Variants in ENTREP2 observed in about 807,000 individuals in gnomAD.
ENTREP2 encodes the protein endosomal transmembrane epsin interactor 2.
chr15:29,573,584 C>A, the ENTREP2 span, among the ~76,000 whole-genome samples: 5 of 150,582 alleles, frequency 3.3e-5, no homozygotes, highest in Admixed American at 2.0e-4. Flanking sequence ...TCAAACTGGC[C>A]TTTCTGGATA....
At chr15:29,178,577 C>T in the ENTREP2 span, among the ~76,000 whole-genome samples, 5 of 151,988 alleles carry the variant, frequency 3.3e-5, no homozygotes, top group Admixed American at 2.0e-4. Flanking sequence ...GTAATCAGCT[C>T]GTCCCACAGT....
chr15:29,594,515 T>C, the ENTREP2 span, among the ~76,000 whole-genome samples: 5 of 152,148 alleles, frequency 3.3e-5, no homozygotes, highest in African/African-American at 7.2e-5. Flanking sequence ...TATTAAACTA[T>C]AAGAATCGAT....
At chr15:29,600,470 CA>C in the ENTREP2 span, among the ~76,000 whole-genome samples, 10 of 116,812 alleles carry the variant, frequency 8.6e-5, no homozygotes, top group Middle Eastern at 5.6e-3. Flanking sequence ...TCATCATCAT[CA>C]ATCATCATCA....
chr15:29,356,273 T>C, the ENTREP2 span, among the ~76,000 whole-genome samples: 5 of 47,278 alleles, frequency 1.1e-4, no homozygotes, highest in Non-Finnish European at 1.7e-4. Flanking sequence ...TGTGTGTATA[T>C]ATATATATAT....
chr15:29,324,715 C>T, the ENTREP2 span, among the ~76,000 whole-genome samples: 2 of 152,096 alleles, frequency 1.3e-5, no homozygotes, highest in African/African-American at 4.8e-5. Flanking sequence ...CATAACAATC[C>T]TTAACATGTA....
chr15:29,353,904 A>G, the ENTREP2 span, among the ~76,000 whole-genome samples: 120 of 152,232 alleles, frequency 7.9e-4, no homozygotes, highest in African/African-American at 2.6e-3. Flanking sequence ...AGCACATCAC[A>G]CTACTTCCCA....
chr15:29,620,672 T>TTGCTAGGCTCTTTTCC, the ENTREP2 span, among the ~76,000 whole-genome samples: 3 of 151,992 alleles, frequency 2.0e-5, no homozygotes, highest in African/African-American at 7.3e-5. Context: ...AATAATGGTT[T>TTGCTAGGCTCTTTTCC]TGCTAGGCTC....
At chr15:29,198,900 A>T in the ENTREP2 span, among the ~76,000 whole-genome samples, 1 of 152,250 alleles carries the variant, frequency 6.6e-6, no homozygotes, top group Non-Finnish European at 1.5e-5. Flanking sequence ...AAATTACAAG[A>T]TTCATCTACC....
the ENTREP2 span, among the ~76,000 whole-genome samples, chr15:29,515,215 G>A: frequency 6.6e-6 from 1 of 152,328 alleles, no homozygotes; most frequent in East Asian, 1.9e-4. Context: ...AGAGCAGCCA[G>A]AGTGGGTCAG....
At chr15:29,377,442 G>C in the ENTREP2 span, among the ~76,000 whole-genome samples, 1 of 152,102 alleles carries the variant, frequency 6.6e-6, no homozygotes, top group Non-Finnish European at 1.5e-5. Context: ...AGATCTGTTA[G>C]GAGGCTACTA....
chr15:29,582,305 A>T, the ENTREP2 span, among the ~76,000 whole-genome samples: 3 of 152,214 alleles, frequency 2.0e-5, no homozygotes, highest in Non-Finnish European at 2.9e-5. Context: ...TTATACAACA[A>T]TGTATTCAAA....
chr15:29,169,092 C>G, the ENTREP2 span, among the ~76,000 whole-genome samples: 1 of 152,178 alleles, frequency 6.6e-6, no homozygotes, highest in African/African-American at 2.4e-5. Flanking sequence ...TGTGTATACA[C>G]ACTTTTGTAT....
the ENTREP2 span, among the ~76,000 whole-genome samples, chr15:29,169,442 G>A: frequency 6.6e-5 from 10 of 152,294 alleles, no homozygotes; most frequent in Admixed American, 6.5e-4. Flanking sequence ...CACATTACTT[G>A]TGTTGGGATA....
chr15:29,515,144 C>T, the ENTREP2 span, among the ~76,000 whole-genome samples: 1 of 152,206 alleles, frequency 6.6e-6, no homozygotes, highest in Non-Finnish European at 1.5e-5. Flanking sequence ...AATCATGACA[C>T]AACCTACTCA....
At chr15:29,530,844 T>C in the ENTREP2 span, among the ~76,000 whole-genome samples, 1 of 152,228 alleles carries the variant, frequency 6.6e-6, no homozygotes, top group Non-Finnish European at 1.5e-5. Flanking sequence ...CAAAGGGCTG[T>C]GGATCTGACA....
chr15:29,657,204 C>G, the ENTREP2 span, among the ~76,000 whole-genome samples: 2 of 150,810 alleles, frequency 1.3e-5, no homozygotes, highest in Admixed American at 1.3e-4. Flanking sequence ...CCCACCACCA[C>G]GCCGCGCCAG....
the ENTREP2 span, among the ~76,000 whole-genome samples, chr15:29,354,255 CCCT>C: frequency 2.6e-5 from 4 of 152,176 alleles, no homozygotes; most frequent in Admixed American, 1.3e-4. Flanking sequence ...GCAGCTCCAC[CCCT>C]CCTCCTGTTC....
the ENTREP2 span, among the ~76,000 whole-genome samples, chr15:29,555,514 T>C: frequency 6.6e-6 from 1 of 152,250 alleles, no homozygotes; most frequent in Non-Finnish European, 1.5e-5. Context: ...ATTTTCATTC[T>C]ATTGTAATTA....
chr15:29,201,102 T>C, the ENTREP2 span, among the ~76,000 whole-genome samples: 1 of 152,244 alleles, frequency 6.6e-6, no homozygotes, highest in Admixed American at 6.5e-5. Context: ...TGTATGTTTA[T>C]CTTGTATCCT....
Sources: gnomAD v4.1 joint callset for allele counts (sites outside exome capture counted in the v4.1 genomes callset) on GRCh38, gnomAD v4.1.1 for gene constraint, MANE v1.5 for transcripts, NCBI Gene and HGNC (gene_info 2026-07-23, HGNC 2026-07-21) for gene names.